RGS6: variants seen among roughly 807,000 people sequenced by gnomAD.
RGS6 encodes the protein regulator of G protein signaling 6.
A neutral mutation model predicts 78.5 loss-of-function variants in RGS6; 30 were observed. The ratio of observed to expected loss-of-function variants is 0.38; its 90% CI spans 0.29 to 0.52. The LOEUF (loss-of-function observed/expected upper bound fraction) is 0.52, where lower values mean the gene tolerates loss of function less well. RGS6 is among the 20% of genes least tolerant of loss of function. RGS6 has a pLI of 0.85. For synonymous variants in RGS6, 206 were observed against 206.0 expected (o/e 1.00, Z 0.00); for missense variants, 495 against 609.7 (o/e 0.81, Z 1.98).
chr14:71,919,484 T>C, the RGS6 span, among the ~76,000 whole-genome samples: 1 of 152,136 alleles, frequency 6.6e-6, no homozygotes, highest in South Asian at 2.1e-4. Flanking sequence ...GTGTGATGTG[T>C]ATGTTAAGTC....
At position 72,122,740 on chromosome 14, in the gene RGS6, G is replaced by A. The variant is rs572833459; in HGVS notation, c.84+157865G>A. On this transcript the variant is annotated intron_variant, in intron 2 of 17. Coordinates refer to ENST00000553525, the MANE Select transcript of RGS6 (RefSeq NM_001204424.2). The stretch of plus-strand genomic sequence containing the variant: ...CCAGCACTCTGGGTTCTAAGTTATC[G>A]TTTTTTTTTTTTTTTTCCATTCTAT... 2.7e-4 allele frequency among the ~76,000 whole-genome samples: 36 copies of A among 132,322 alleles called. 2 individuals are homozygous for A. The South Asian group carries it at 7.6e-3, about 28-fold the overall frequency. The allele number at this position is 132,322 out of a possible 152,430, so 86.8% of individuals were successfully genotyped here. A position where few individuals can be genotyped will look rare whatever the true frequency, so the allele number is the denominator to read the frequency against.
At chr14:72,277,298 CT>C (rs1175769684) in intron 2 of RGS6, among the ~76,000 whole-genome samples, 1 of 152,180 alleles carries the variant, frequency 6.6e-6, no homozygotes, top group Non-Finnish European at 1.5e-5. Flanking sequence ...CATTGTTTGC[CT>C]TTTAAATATC....
At chr14:72,377,703 G>C (rs1052042916) in intron 3 of RGS6, among the ~76,000 whole-genome samples, 1 of 152,124 alleles carries the variant, frequency 6.6e-6, no homozygotes, top group South Asian at 2.1e-4. Flanking sequence ...GGCCAGGCAT[G>C]GTGTAATCCC....
At chr14:72,158,838 T>C (rs1464534461) in intron 2 of RGS6, among the ~76,000 whole-genome samples, 2 of 137,018 alleles carry the variant, frequency 1.5e-5, no homozygotes, top group Non-Finnish European at 3.2e-5. Flanking sequence ...CGGTATAACA[T>C]TGCAGGGAAT....
chr14:72,534,083 A>G (rs568788226), intron 15 of RGS6, among the ~76,000 whole-genome samples: 25 of 152,356 alleles, frequency 1.6e-4, no homozygotes, highest in African/African-American at 5.8e-4. Flanking sequence ...AATTGATGCG[A>G]CAAACTTCAT....
intron 3 of RGS6, among the ~76,000 whole-genome samples, chr14:72,401,106 A>G (rs1321019015): frequency 6.6e-6 from 1 of 152,158 alleles, no homozygotes; most frequent in Non-Finnish European, 1.5e-5. Context: ...TTGCTAAGTT[A>G]GATAAATCTT....
intron 2 of RGS6, among the ~76,000 whole-genome samples, chr14:72,337,918 T>C (rs2076333902): frequency 6.6e-6 from 1 of 152,174 alleles, no homozygotes; most frequent in South Asian, 2.1e-4. Flanking sequence ...CAGAATTAAA[T>C]CAGATAGATA....
intron 2 of RGS6, among the ~76,000 whole-genome samples, chr14:71,972,818 T>G (rs1039506840): frequency 2.0e-5 from 3 of 152,120 alleles, no homozygotes; most frequent in African/African-American, 7.2e-5. Context: ...GGCAACAGAA[T>G]TTGGGGGCTG....
intron 2 of RGS6, among the ~76,000 whole-genome samples, chr14:72,023,503 T>C (rs1207792545): frequency 1.6e-5 from 2 of 128,686 alleles, no homozygotes; most frequent in Admixed American, 1.5e-4. Flanking sequence ...GTTCTGAAAA[T>C]GTTTGCTCAA....
intron 2 of RGS6, among the ~76,000 whole-genome samples, chr14:72,152,410 G>T (rs184418965): frequency 5.3e-4 from 80 of 152,232 alleles, no homozygotes; most frequent in South Asian, 8.3e-4. Context: ...AGGGTAGTAC[G>T]TTCCAAATCA....
At chr14:72,097,425 T>C (rs2095431508) in intron 2 of RGS6, among the ~76,000 whole-genome samples, 2 of 152,220 alleles carry the variant, frequency 1.3e-5, no homozygotes, top group Admixed American at 1.3e-4. Flanking sequence ...AATCATTCTC[T>C]TTACTTTGGT....
the RGS6 span, among the ~76,000 whole-genome samples, chr14:71,892,419 A>G: frequency 6.6e-6 from 1 of 152,244 alleles, no homozygotes; most frequent in Non-Finnish European, 1.5e-5. Flanking sequence ...TTTCCTTTCC[A>G]GGCTTCACAG....
intron 2 of RGS6, among the ~76,000 whole-genome samples, chr14:72,132,019 T>G (rs1349232272): frequency 1.3e-5 from 2 of 152,192 alleles, no homozygotes; most frequent in Non-Finnish European, 2.9e-5. Context: ...TCCTTTAAGA[T>G]TAGTCATTTT....
intron 3 of RGS6, among the ~76,000 whole-genome samples, chr14:72,429,205 T>C (rs2094535899): frequency 6.6e-6 from 1 of 151,930 alleles, no homozygotes; most frequent in African/African-American, 2.4e-5. Flanking sequence ...CTGTCTCAGA[T>C]AAAAAAAGGG....
intron 3 of RGS6, among the ~76,000 whole-genome samples, chr14:72,356,667 A>G (rs1167590801): frequency 6.6e-6 from 1 of 152,192 alleles, no homozygotes; most frequent in African/African-American, 2.4e-5. Flanking sequence ...TAATTGAATC[A>G]TGGGGGCAGT....
chr14:72,350,989 A>C (rs974728993), intron 2 of RGS6, among the ~76,000 whole-genome samples: 20 of 152,136 alleles, frequency 1.3e-4, no homozygotes, highest in African/African-American at 4.6e-4. Context: ...CAAGTTATCT[A>C]TTTCTATCAA....
At chr14:72,085,032 A>G (rs1279155837) in intron 2 of RGS6, among the ~76,000 whole-genome samples, 3 of 152,206 alleles carry the variant, frequency 2.0e-5, no homozygotes, top group African/African-American at 4.8e-5. Context: ...GGGCAACATT[A>G]TCTTCATCAT....
rs528715441 is a variant in RGS6 at position 72,562,992 on chromosome 14, G to A, written c.*525G>A. On this transcript the variant is annotated 3_prime_UTR_variant, in exon 18 of 18. Transcript: ENST00000553525. ...CCCTCACGTCTCTGTGGCCACCCGG[G>A]TGTCACTGCCAGCACCAGGCACTGC... is the stretch of plus-strand genomic sequence containing the variant. 10 of 583,012 alleles carry A rather than the reference G, an allele frequency of 1.7e-5. No homozygotes were observed. The highest frequency in any genetic ancestry group is 2.8e-5 in the Non-Finnish European group (9 of 325,256). The allele number at this position is 583,012 out of a possible 1,614,324, so 36.1% of individuals were successfully genotyped here.
chr14:72,061,662 A>G (rs2093903217), intron 2 of RGS6, among the ~76,000 whole-genome samples: 1 of 152,184 alleles, frequency 6.6e-6, no homozygotes, highest in Non-Finnish European at 1.5e-5. Context: ...CACTAGATGC[A>G]TGATACCTTT....
Sources: gnomAD v4.1 joint callset for allele counts (sites outside exome capture counted in the v4.1 genomes callset) on GRCh38, gnomAD v4.1.1 for gene constraint, MANE v1.5 for transcripts, NCBI Gene and HGNC (gene_info 2026-07-23, HGNC 2026-07-21) for gene names.